Variants in FAT1 observed in about 807,000 individuals in gnomAD.
FAT1 encodes FAT atypical cadherin 1.
FAT1 carries 171 observed loss-of-function variants against 329.8 expected under a neutral mutation model. The ratio of observed to expected loss-of-function variants is 0.52; its 90% CI spans 0.46 to 0.59. FAT1 has a LOEUF of 0.59. FAT1 is among the 20% of genes least tolerant of loss of function. The pLI is 0.00. For missense variants in FAT1, 5,672 were observed against 5,774.4 expected, an observed-to-expected ratio of 0.98 and a Z score of 0.57; for synonymous variants, 2,233 against 2,228.6, an observed-to-expected ratio of 1.00 and a Z score of -0.06.
At chr4:186,657,904 A>G (rs1272709479) in intron 3 of FAT1, among the ~76,000 whole-genome samples, 1 of 152,228 alleles carries the variant, frequency 6.6e-6, no homozygotes, top group African/African-American at 2.4e-5. Flanking sequence ...TTGTTCGTGA[A>G]TAATGAGTCA....
At position 186,657,991 on chromosome 4, in the gene FAT1, CTT is replaced by C. The variant is rs370784267; in HGVS notation, c.3580+5306_3580+5307del. On this transcript the variant is annotated intron_variant, in intron 3 of 26. Coordinates refer to ENST00000441802, the MANE Select transcript of FAT1 (RefSeq NM_005245.4). The stretch of plus-strand genomic sequence containing the variant: ...CTTGACACACCACAAAGCTGTGATG[CTT>C]TTGTTTGCAGGCGCTGCAGCTGCCA... Among the ~76,000 whole-genome samples the C allele has an allele frequency of 6.3e-3, 952 of 152,312 alleles. 11 individuals are homozygous for C. Among genetic ancestry groups the C allele is most frequent in the African/African-American group, 0.022 (906 of 41,570 alleles).
chr4:186,632,373 C>T (rs1740640706), intron 7 of FAT1, among the ~76,000 whole-genome samples: 1 of 152,146 alleles, frequency 6.6e-6, no homozygotes, highest in South Asian at 2.1e-4. Context: ...AATTGGTCTA[C>T]AGTTATACCC....
intron 26 of FAT1, among the ~76,000 whole-genome samples, chr4:186,594,141 C>T (rs1738378588): frequency 1.3e-5 from 2 of 152,018 alleles, no homozygotes; most frequent in Non-Finnish European, 2.9e-5. Context: ...CCTCAGCTCA[C>T]TGCAAGCTAC....
At chr4:186,722,139 T>C (rs1042856338) in intron 1 of FAT1, among the ~76,000 whole-genome samples, 1 of 152,192 alleles carries the variant, frequency 6.6e-6, no homozygotes, top group Non-Finnish European at 1.5e-5. Flanking sequence ...CGCCCGGCCA[T>C]AATTTTTAAA....
At chr4:186,658,169 A>G (rs1030869095) in intron 3 of FAT1, among the ~76,000 whole-genome samples, 1 of 152,256 alleles carries the variant, frequency 6.6e-6, no homozygotes, top group South Asian at 2.1e-4. Context: ...ACAAAAGTGC[A>G]TATATCACAA....
In FAT1 at chr4:186,596,592, G is replaced by A. The variant is rs1375530034; in HGVS notation, c.12948C>T (p.Ser4316=). ...PNLPPPPPSN[S]PSDSDSIQKP... ...TCTGGATGGAGTCGCTGTCAGAAGG[G>A]GAGTTTGAAGGGGGTGGGGGAGGCA... Residue 4316 remains serine (S), a synonymous_variant, in exon 25 of 27, where the codon TCC becomes TCT. Transcript: ENST00000441802. The surrounding 1 kb of genome is among the most constrained non-coding windows in gnomAD (Gnocchi z 4.7). 6 of 1,613,156 alleles carry A rather than the reference G, an allele frequency of 3.7e-6. No homozygotes were observed. The highest frequency in any genetic ancestry group is 5.1e-6 in the Non-Finnish European group (6 of 1,179,612).
chr4:186,621,751 A>C lies in FAT1; in HGVS notation c.4835T>G (p.Ile1612Ser). 6.3e-7 allele frequency: 1 copy of C among 1,574,996 alleles called. No homozygotes were observed. Among genetic ancestry groups the C allele is most frequent in the Non-Finnish European group, 8.6e-7 (1 of 1,163,314 alleles). The change falls in exon 10 of 27, where the codon ATT becomes AGT. Residue 1612 changes from isoleucine to serine, a missense_variant. Transcript: ENST00000441802. ...ESGNIGNSFM[I>S]DPVLGSIKTA... is the part of the protein sequence containing the mutation. ...TTTAATAGAGCCCAAGACAGGATCAATCATAAAAGAATTTCCAATATTTCC... is the reference window on the plus strand; with the variant it reads ...TTTAATAGAGCCCAAGACAGGATCACTCATAAAAGAATTTCCAATATTTCC...
In FAT1 at chr4:186,588,873, G is replaced by T. The variant is rs2126351729; in HGVS notation, c.13486C>A (p.Leu4496Ile). The change falls in exon 27 of 27, where the codon CTC becomes ATC. Residue 4496 changes from leucine to isoleucine, a missense_variant. By Grantham distance (5) the Leu-to-Ile change is conservative (BLOSUM62 2). Around this residue, in one of 2 missense-constraint regions of FAT1, gnomAD observed 1,706 missense variants for 1,859.1 expected, o/e 0.92. Coordinates refer to ENST00000441802, the MANE Select transcript of FAT1 (RefSeq NM_005245.4). ...TTTGTTTGAGGTTCAGACATATCGA[G>T]GGGATAAAAATTGGGCAAATACTGA... ...LNQYLPNFYP[L>I]DMSEPQTKGT... 1 of 1,613,972 alleles carries T rather than the reference G, an allele frequency of 6.2e-7. No individual in the cohort carries two copies. The highest frequency in any genetic ancestry group is 8.5e-7 in the Non-Finnish European group (1 of 1,179,894).
chr4:186,707,785 T>G lies in FAT1; in HGVS notation c.2043A>C (p.Lys681Asn). The G allele has an allele frequency of 6.2e-7, 1 of 1,613,752 alleles. No individual in the cohort carries two copies. Among genetic ancestry groups the G allele is most frequent in the Non-Finnish European group, 8.5e-7 (1 of 1,179,898 alleles). The change falls in exon 2 of 27, where the codon AAA becomes AAC. Residue 681 changes from lysine (K) to asparagine (N), a missense_variant. By Grantham distance (94) the Lys-to-Asn change is moderately conservative (BLOSUM62 0). Transcript: ENST00000441802. ...NLQCEETGVA[K>N]MLAEKLLQAN... is the part of the protein sequence containing the mutation. Reference sequence around the variant, plus strand: ...CCTGCAGGAGCTTCTCTGCCAGCATTTTGGCAACACCAGTCTCTTCACACT... The same window carrying G: ...CCTGCAGGAGCTTCTCTGCCAGCATGTTGGCAACACCAGTCTCTTCACACT...
chr4:186,616,427 C>T (rs778004322), intron 11 of FAT1, among the ~76,000 whole-genome samples: 1 of 152,070 alleles, frequency 6.6e-6, no homozygotes, highest in Admixed American at 6.5e-5. Flanking sequence ...CCACTTACTG[C>T]CCCCCGAAGC....
At chr4:186,715,512 C>T (rs191709472) in intron 1 of FAT1, among the ~76,000 whole-genome samples, 1 of 152,304 alleles carries the variant, frequency 6.6e-6, no homozygotes, top group Non-Finnish European at 1.5e-5. Flanking sequence ...CCAAGAACCA[C>T]GAATTCAGGT....
In FAT1 at chr4:186,677,978, C is replaced by G. The variant is rs1743031613; in HGVS notation, c.3266-14365G>C. On this transcript the variant is annotated intron_variant, in intron 2 of 26. Transcript: ENST00000441802. Reference sequence around the variant, plus strand: ...AAAATAGAGAATAACTGCAGTAGTTCTTATATTATCTCTGTCCTTAACTTT... The same window carrying G: ...AAAATAGAGAATAACTGCAGTAGTTGTTATATTATCTCTGTCCTTAACTTT... Among the ~76,000 whole-genome samples, 3 of 152,126 alleles carry G rather than the reference C, an allele frequency of 2.0e-5. No individual in the cohort carries two copies. The South Asian group carries it at 6.2e-4, about 32-fold the overall frequency.
rs6836935 is a variant in FAT1, at chr4:186,621,773, T to C, written c.4813A>G (p.Asn1605Asp). The part of the protein sequence containing the change: ...AEVLYSIESG[N>D]IGNSFMIDPV... ...TCAATCATAAAAGAATTTCCAATAT[T>C]TCCTGGAAGGAGAGGAAAAAATACA... The change falls in exon 10 of 27, where the codon AAT (asparagine) becomes GAT (aspartate). Residue 1605 changes from asparagine (N) to aspartate (D), a missense_variant and splice_region_variant. This residue lies in a region of FAT1 where 3,966 missense variants were observed against 3,915.2 expected (regional missense o/e 1.01). Coordinates refer to ENST00000441802, the MANE Select transcript of FAT1 (RefSeq NM_005245.4). The C allele has an allele frequency of 2.6e-3, 4,099 of 1,550,142 alleles. 89 individuals carry two copies. In the African/African-American group the frequency reaches 0.049, roughly 18 times the overall value.
At chr4:186,670,844 T>G (rs551740330) in intron 2 of FAT1, among the ~76,000 whole-genome samples, 62 of 152,230 alleles carry the variant, frequency 4.1e-4, no homozygotes, top group African/African-American at 1.5e-3. Context: ...TAACTAAATG[T>G]CATGTGGGAG....
At position 186,621,482 on chromosome 4, in the gene FAT1, T is replaced by C. The variant is rs1212608543; in HGVS notation, c.5104A>G (p.Lys1702Glu). 6.2e-7 allele frequency: 1 copy of C among 1,614,048 alleles called. No homozygotes were observed. ...HSQSSVVYEI[K>E]DGNTGDAFDI... ...AAAGCATCACCTGTATTTCCATCTT[T>C]TATTTCATACACCACTGATGATTGA... The change falls in exon 10 of 27, where the codon AAA becomes GAA. Residue 1702 changes from lysine (K) to glutamate (E), a missense_variant. Coordinates refer to ENST00000441802, the MANE Select transcript of FAT1 (RefSeq NM_005245.4).
chr4:186,636,691 TAGG>T lies in FAT1; in HGVS notation c.3863_3865del (p.Ser1288del), dbSNP rs764081811. 1 of 1,613,904 alleles carries T rather than the reference TAGG, an allele frequency of 6.2e-7. No homozygotes were observed. Among genetic ancestry groups the T allele is most frequent in the Non-Finnish European group, 8.5e-7 (1 of 1,179,846 alleles). On this transcript the variant is annotated inframe_deletion, in exon 5 of 27. Coordinates refer to ENST00000441802, the MANE Select transcript of FAT1 (RefSeq NM_005245.4). ...ATGCTCATTCCCGTCTTCGATGCTG[TAGG>T]AGATTTCTGCATTGGGGCCCTCATC... is the stretch of plus-strand genomic sequence containing the variant.
chr4:186,683,284 T>C (rs327113), intron 2 of FAT1, among the ~76,000 whole-genome samples: 126,984 of 151,674 alleles, frequency 0.84, 53,672 homozygotes, highest in African/African-American at 0.91. Flanking sequence ...TCCTCATCTC[T>C]GTGTTGACTC....
chr4:186,597,600 A>G, intron 24 of FAT1, 82 bp downstream of exon 24: 1 of 919,234 alleles, frequency 1.1e-6, no homozygotes. Flanking sequence ...TGTAGTTCAA[A>G]TCACTGAAGG....
intron 6 of FAT1, 144 bp from the exon 7 acceptor site, chr4:186,633,967 G>C (rs1740709087): frequency 4.8e-6 from 4 of 832,836 alleles, no homozygotes; most frequent in Admixed American, 5.7e-5. Context: ...TGAAAGAAAA[G>C]AGTGGCCAAT....
Sources: gnomAD v4.1 joint callset for allele counts (sites outside exome capture counted in the v4.1 genomes callset) on GRCh38, gnomAD v4.1.1 for gene constraint, gnomAD v4.1.1 regional missense constraint, Gnocchi (gnomAD v3.1) non-coding constraint, MANE v1.5 for transcripts, NCBI Gene and HGNC (gene_info 2026-07-23, HGNC 2026-07-21) for gene names.